Variants in TOX observed in about 807,000 individuals in gnomAD.
TOX encodes thymocyte selection-associated high mobility group box protein TOX.
TOX carries 11 observed loss-of-function variants against 53.7 expected under a neutral mutation model. The observed-to-expected ratio is 0.20, with a 90% CI of 0.13 to 0.34. The LOEUF (loss-of-function observed/expected upper bound fraction) is 0.34. Among genes scored for constraint, TOX ranks in the 10% least tolerant of loss-of-function variants. TOX has a pLI of 1.00. For missense variants in TOX, 570 were observed against 664.6 expected, an observed-to-expected ratio of 0.86 and a Z score of 1.56; for synonymous variants, 225 against 245.3, an observed-to-expected ratio of 0.92 and a Z score of 0.77.
intron 2 of TOX, among the ~76,000 whole-genome samples, chr8:58,955,638 C>T (rs755668288): frequency 6.6e-6 from 1 of 151,922 alleles, no homozygotes; most frequent in Non-Finnish European, 1.5e-5. Context: ...TACAGTACTT[C>T]AACTGAGGCA....
intron 6 of TOX, among the ~76,000 whole-genome samples, chr8:58,819,176 T>C (rs1412541989): frequency 1.3e-5 from 2 of 152,256 alleles, no homozygotes; most frequent in African/African-American, 4.8e-5. Context: ...AATTTAACTG[T>C]GAAAGCAAGG....
intron 1 of TOX, among the ~76,000 whole-genome samples, chr8:58,986,272 C>T (rs1001105575): frequency 6.6e-6 from 1 of 152,136 alleles, no homozygotes; most frequent in Non-Finnish European, 1.5e-5. Context: ...GTGCTGGTGT[C>T]TCATGGTAGC....
chr8:59,048,075 G>A (rs1222421205), intron 1 of TOX, among the ~76,000 whole-genome samples: 1 of 152,062 alleles, frequency 6.6e-6, no homozygotes, highest in African/African-American at 2.4e-5. Context: ...AAACAAATAC[G>A]GTTTTCCTGA....
chr8:58,823,252 T>C (rs1255499973), intron 6 of TOX, among the ~76,000 whole-genome samples: 3 of 152,138 alleles, frequency 2.0e-5, no homozygotes, highest in Non-Finnish European at 4.4e-5. Flanking sequence ...AGATGGAGTA[T>C]TACTCTGTCG....
intron 3 of TOX, among the ~76,000 whole-genome samples, chr8:58,896,218 G>A (rs975289296): frequency 1.3e-5 from 2 of 152,042 alleles, no homozygotes; most frequent in South Asian, 2.1e-4. Flanking sequence ...AGGTTCAAGC[G>A]GAAAACCCTG....
At chr8:59,107,817 A>G (rs1364755735) in intron 1 of TOX, among the ~76,000 whole-genome samples, 2 of 152,178 alleles carry the variant, frequency 1.3e-5, no homozygotes, top group African/African-American at 4.8e-5. Flanking sequence ...TTTTTAAAGC[A>G]TATTAGATAA....
At chr8:59,037,739 T>G (rs1585979400) in intron 1 of TOX, among the ~76,000 whole-genome samples, 1 of 149,034 alleles carries the variant, frequency 6.7e-6, no homozygotes, top group Non-Finnish European at 1.5e-5. Flanking sequence ...GAGGCGGAGG[T>G]TGCAGTGAGC....
At chr8:58,833,320 G>A (rs1218946093) in intron 5 of TOX, among the ~76,000 whole-genome samples, 1 of 152,138 alleles carries the variant, frequency 6.6e-6, no homozygotes, top group Non-Finnish European at 1.5e-5. Context: ...GGCTTGCCGT[G>A]GCTAAAAAGG....
At chr8:59,016,605 G>T (rs1323219175) in intron 1 of TOX, among the ~76,000 whole-genome samples, 3 of 152,132 alleles carry the variant, frequency 2.0e-5, no homozygotes, top group Non-Finnish European at 2.9e-5. Flanking sequence ...TATTTATCAT[G>T]TGACCTCAAC....
At chr8:59,096,128 TTAC>T (rs1804708255) in intron 1 of TOX, among the ~76,000 whole-genome samples, 1 of 152,216 alleles carries the variant, frequency 6.6e-6, no homozygotes, top group African/African-American at 2.4e-5. Context: ...TCTTATCAAA[TTAC>T]TACTAAAAGT....
At chr8:59,053,621 T>C (rs1255563321) in intron 1 of TOX, among the ~76,000 whole-genome samples, 1 of 152,224 alleles carries the variant, frequency 6.6e-6, no homozygotes, top group African/African-American at 2.4e-5. Flanking sequence ...AACAGCTTTA[T>C]AGTAAGAGTT....
intron 1 of TOX, among the ~76,000 whole-genome samples, chr8:59,041,895 C>A (rs1343250201): frequency 2.0e-5 from 3 of 152,212 alleles, no homozygotes; most frequent in African/African-American, 7.2e-5. Flanking sequence ...AAAATTTTCT[C>A]TTAATCTGTT....
chr8:59,056,282 A>C (rs1272287762), intron 1 of TOX, among the ~76,000 whole-genome samples: 1 of 151,746 alleles, frequency 6.6e-6, no homozygotes, highest in African/African-American at 2.4e-5. Flanking sequence ...AAATTTAAAA[A>C]CTAGACTGGT....
At chr8:59,018,532 C>T (rs1456613787) in intron 1 of TOX, among the ~76,000 whole-genome samples, 1 of 152,130 alleles carries the variant, frequency 6.6e-6, no homozygotes, top group Non-Finnish European at 1.5e-5. Context: ...TTAAACAAGT[C>T]AATGAATGTC....
intron 1 of TOX, among the ~76,000 whole-genome samples, chr8:58,971,931 T>C (rs13259869): frequency 0.049 from 7,398 of 152,268 alleles, 227 homozygotes; most frequent in South Asian, 0.097. Context: ...CCTTAGGTGA[T>C]CCACCTGCCT....
At chr8:59,004,412 T>C (rs1813749500) in intron 1 of TOX, among the ~76,000 whole-genome samples, 2 of 152,208 alleles carry the variant, frequency 1.3e-5, no homozygotes, top group Non-Finnish European at 2.9e-5. Flanking sequence ...CAACACACTA[T>C]CTCAATTTTT....
At chr8:59,017,949 AAG>A (rs568651402) in intron 1 of TOX, among the ~76,000 whole-genome samples, 51 of 152,294 alleles carry the variant, frequency 3.3e-4, no homozygotes, top group Non-Finnish European at 6.0e-4. Context: ...CAAAAAGAGA[AAG>A]AGAGAGTGTA....
intron 4 of TOX, among the ~76,000 whole-genome samples, chr8:58,842,595 G>C (rs902564350): frequency 6.6e-6 from 1 of 152,138 alleles, no homozygotes; most frequent in Non-Finnish European, 1.5e-5. Context: ...TCCTTTTTAA[G>C]TTGGTATTTG....
intron 1 of TOX, among the ~76,000 whole-genome samples, chr8:58,976,486 T>C (rs1402624748): frequency 6.6e-6 from 1 of 152,226 alleles, no homozygotes; most frequent in African/African-American, 2.4e-5. Flanking sequence ...AAGTCATCCA[T>C]GAGAGTTGGA....
Sources: allele counts gnomAD v4.1 joint callset (sites outside exome capture counted in the v4.1 genomes callset), GRCh38; gene constraint gnomAD v4.1.1; transcripts MANE v1.5; gene names NCBI Gene and HGNC (gene_info 2026-07-23, HGNC 2026-07-21).